The following NOB1 variants were observed in gnomAD, a reference collection of about 807,000 sequenced individuals.
The protein encoded by NOB1 is NIN1 (RPN12) binding protein 1 homolog.
In NOB1, 44 loss-of-function variants were observed where a neutral mutation model predicts 44.8. That is an observed-to-expected ratio of 0.98 (90% CI 0.77 to 1.26). The LOEUF is 1.26. Ranked by LOEUF, NOB1 falls within the 50% of genes most tolerant of loss-of-function variation. NOB1 has a pLI of 0.00. For synonymous variants in NOB1, 238 were observed against 218.7 expected, an observed-to-expected ratio of 1.09 and a Z score of -0.78; for missense variants, 560 against 544.8, an observed-to-expected ratio of 1.03 and a Z score of -0.28.
chr16:69,747,955 C>T (rs2038446932), intron 7 of NOB1, among the ~76,000 whole-genome samples: 1 of 151,976 alleles, frequency 6.6e-6, no homozygotes, highest in South Asian at 2.1e-4. Flanking sequence ...GTCAGGAGTT[C>T]GAGACCAGCC....
chr16:69,748,817 A>G, intron 6 of NOB1, 101 bp downstream of exon 6: 1 of 1,117,288 alleles, frequency 9.0e-7, no homozygotes, highest in Non-Finnish European at 1.2e-6. Flanking sequence ...GAACCAGGAA[A>G]AGAAGCGCTG....
chr16:69,749,614 G>T lies in NOB1; in HGVS notation c.344C>A (p.Ser115Ter), dbSNP rs773476588. Residue 115 changes from serine to a stop codon, truncating the protein, a stop_gained, in exon 4 of 9, where the codon TCG becomes TAG. Coordinates refer to ENST00000268802, the MANE Select transcript of NOB1 (RefSeq NM_014062.3). LOFTEE classifies it high-confidence loss of function. ...QEPQKVKVSSSIQHPETPLHI... is the reference protein window; with the variant it reads ...QEPQKVKVSS ...CAGAGGTGTTTCTGGGTGCTGAATC[G>T]ATGAGCTCACCTTAACCTTTAAAAA... The T allele has an allele frequency of 6.2e-7, 1 of 1,612,466 alleles. No homozygotes were observed. The highest frequency in any genetic ancestry group is 8.5e-7 in the Non-Finnish European group (1 of 1,179,282).
At chr16:69,754,760 G>A (rs752861657) in intron 1 of NOB1, 34 bp from the exon 2 acceptor site, 3 of 1,613,178 alleles carry the variant, frequency 1.9e-6, no homozygotes, top group South Asian at 2.2e-5. Flanking sequence ...AGACCCACCC[G>A]CACCAAGCAA....
At chr16:69,749,820 A>T (rs1268460847) in intron 3 of NOB1, among the ~76,000 whole-genome samples, 190 bp from the exon 4 acceptor site, 1 of 151,744 alleles carries the variant, frequency 6.6e-6, no homozygotes, top group East Asian at 2.0e-4. Context: ...TCTACTAAAA[A>T]TACAAAAATT....
At chr16:69,742,864 A>G (rs1304070056) in intron 8 of NOB1, among the ~76,000 whole-genome samples, 1 of 152,144 alleles carries the variant, frequency 6.6e-6, no homozygotes, top group Non-Finnish European at 1.5e-5. Flanking sequence ...AATACAAAAC[A>G]TTCCAGTGTG....
intron 6 of NOB1, chr16:69,748,672 GAAAAAAAAATC>G (rs2038454355): frequency 1.9e-6 from 1 of 516,638 alleles, no homozygotes; most frequent in Non-Finnish European, 3.4e-6. Context: ...TATATATACT[GAAAAAAAAATC>G]ATAAAAAAAT....
chr16:69,749,514 G>A (rs749737280), intron 4 of NOB1, 45 bp downstream of exon 4: 5 of 1,571,524 alleles, frequency 3.2e-6, no homozygotes, highest in African/African-American at 1.4e-5. Context: ...GATGTGACAT[G>A]TTTCAGAAAA....
Position 69,742,175 on chromosome 16 carries a change from T to C in NOB1, c.*157A>G. The C allele has an allele frequency of 3.2e-6, 3 of 940,050 alleles. No homozygotes were observed. The highest frequency in any genetic ancestry group is 4.7e-6 in the Non-Finnish European group (3 of 631,644). 58.2% of individuals were successfully genotyped at this position (940,050 alleles called of 1,614,324 possible). The stretch of plus-strand genomic sequence containing the variant: ...CAGGCCATGGGACAGTCCAGTTCCC[T>C]GCAGACCCAGCGGGGCATGGGCGGA... On this transcript the variant is annotated 3_prime_UTR_variant, in exon 9 of 9. Transcript: ENST00000268802.
chr16:69,744,488 T>C (rs1346553586), intron 8 of NOB1, among the ~76,000 whole-genome samples: 1 of 152,200 alleles, frequency 6.6e-6, no homozygotes, highest in Non-Finnish European at 1.5e-5. Flanking sequence ...TCCCTCCCGA[T>C]TCTCTGCGTC....
At chr16:69,749,388 C>T (rs1354985445) in intron 4 of NOB1, 50 bp from the exon 5 acceptor site, 1 of 1,579,560 alleles carries the variant, frequency 6.3e-7, no homozygotes, top group South Asian at 1.2e-5. Context: ...TCTGTAGCCA[C>T]CTCTCAGGTC....
At chr16:69,754,407 G>C (rs1226139404) in intron 2 of NOB1, among the ~76,000 whole-genome samples, 187 bp downstream of exon 2, 1 of 152,164 alleles carries the variant, frequency 6.6e-6, no homozygotes, top group African/African-American at 2.4e-5. Context: ...CTATGCCCGA[G>C]AGCATACAGC....
chr16:69,742,278 C>G lies in NOB1; in HGVS notation c.*54G>C. Reference sequence around the variant, plus strand: ...CGACACGGCTGGGGAAATGGGTCACCGGAACTCCACGGCGGCCAGACGCCC... The same window carrying G: ...CGACACGGCTGGGGAAATGGGTCACGGGAACTCCACGGCGGCCAGACGCCC... On this transcript the variant is annotated 3_prime_UTR_variant, in exon 9 of 9. Transcript: ENST00000268802. The G allele has an allele frequency of 3.8e-6, 6 of 1,576,990 alleles. No homozygotes were observed. The highest frequency in any genetic ancestry group is 5.2e-6 in the Non-Finnish European group (6 of 1,158,446).
At position 69,742,166 on chromosome 16, in the gene NOB1, C is replaced by A. The variant is rs2038386706; in HGVS notation, c.*166G>T. The stretch of plus-strand genomic sequence containing the variant: ...CGGTGCTCACAGGCCATGGGACAGT[C>A]CAGTTCCCTGCAGACCCAGCGGGGC... On this transcript the variant is annotated 3_prime_UTR_variant, in exon 9 of 9. Transcript: ENST00000268802. The A allele has an allele frequency of 1.2e-6, 1 of 842,670 alleles. No homozygotes were observed. The highest frequency in any genetic ancestry group is 1.8e-5 in the South Asian group (1 of 55,550). The allele number at this position is 842,670 out of a possible 1,614,324, so 52.2% of individuals were successfully genotyped here.
At chr16:69,742,659 C>T (rs762461780) in intron 8 of NOB1, 58 bp from the exon 9 acceptor site, 4 of 1,576,728 alleles carry the variant, frequency 2.5e-6, no homozygotes, top group Non-Finnish European at 3.5e-6. Context: ...CACACAAGGC[C>T]ATGGCTGGTA....
intron 2 of NOB1, among the ~76,000 whole-genome samples, chr16:69,752,677 C>T (rs919246241): frequency 3.3e-5 from 5 of 152,166 alleles, no homozygotes; most frequent in Non-Finnish European, 7.3e-5. Context: ...TGGTGGCTCA[C>T]GCCTGTAATC....
At chr16:69,751,277 G>GGATT (rs769181105) in intron 3 of NOB1, among the ~76,000 whole-genome samples, 3 of 151,834 alleles carry the variant, frequency 2.0e-5, no homozygotes, top group Non-Finnish European at 4.4e-5. Context: ...CAAAGCCCTG[G>GGATT]GATTATAGGC....
At chr16:69,747,592 C>G (rs1246190927) in intron 7 of NOB1, among the ~76,000 whole-genome samples, 1 of 152,186 alleles carries the variant, frequency 6.6e-6, no homozygotes, top group African/African-American at 2.4e-5. Context: ...TCTTCACCCC[C>G]ACCCACTCCT....
In NOB1 at chr16:69,742,418, G is replaced by A. The variant is rs746265816; in HGVS notation, c.1153C>T (p.Leu385=). Residue 385 remains leucine (L), a synonymous_variant, in exon 9 of 9, where the codon CTG becomes TTG. Coordinates refer to ENST00000268802, the MANE Select transcript of NOB1 (RefSeq NM_014062.3). The part of the protein sequence containing the change: ...ENDISSRSAT[L]QVRDSTLGAG... Reference sequence around the variant, plus strand: ...CCCAAGGTGCTGTCCCGGACCTGCAGGGTAGCTGAGCGGCTGGAGATGTCA... The same window carrying A: ...CCCAAGGTGCTGTCCCGGACCTGCAAGGTAGCTGAGCGGCTGGAGATGTCA... 1.5e-5 allele frequency: 25 copies of A among 1,614,142 alleles called. No individual in the cohort carries two copies. The highest frequency in any genetic ancestry group is 2.0e-5 in the Non-Finnish European group (24 of 1,180,050).
At chr16:69,744,745 G>A (rs541903913) in intron 8 of NOB1, 128 bp downstream of exon 8, 23 of 1,045,414 alleles carry the variant, frequency 2.2e-5, no homozygotes, top group South Asian at 6.3e-5. Context: ...TCCCCACTCC[G>A]TCTTGGTACC....
Sources: gnomAD v4.1 joint callset for allele counts (sites outside exome capture counted in the v4.1 genomes callset) on GRCh38, gnomAD v4.1.1 for gene constraint, MANE v1.5 for transcripts, NCBI Gene and HGNC (gene_info 2026-07-23, HGNC 2026-07-21) for gene names.